The following AGL variants were observed in gnomAD, a reference collection of about 807,000 sequenced individuals.
AGL encodes glycogen debranching enzyme.
A neutral mutation model predicts 199.3 loss-of-function variants in AGL; 128 were observed. The ratio of observed to expected loss-of-function variants is 0.64; its 90% confidence interval spans 0.56 to 0.74. The LOEUF (loss-of-function observed/expected upper bound fraction) is 0.74. Ranked by LOEUF, AGL falls within the 30% of genes least tolerant of loss-of-function variation. The probability of loss-of-function intolerance (pLI) is 0.00; values close to 1 mark genes in which losing one functional copy is unlikely to be tolerated. For missense variants in AGL, 1,809 were observed against 1,820.8 expected, an observed-to-expected ratio of 0.99 and a Z score of 0.12; for synonymous variants, 584 against 594.7, an observed-to-expected ratio of 0.98 and a Z score of 0.26.
In AGL at chr1:99,880,776, A is replaced by G. The variant is rs764236940; in HGVS notation, c.1880A>G (p.Asp627Gly). The change falls in exon 14 of 34, where the codon GAT becomes GGT. Residue 627 changes from aspartate to glycine, a missense_variant. By Grantham distance (94) the Asp-to-Gly change is moderately conservative (BLOSUM62 -1). Coordinates refer to ENST00000361915, the MANE Select transcript of AGL (RefSeq NM_000642.3). ...GCCCTGTTTATGGATATTACGCATG[A>G]TAATGAGTGTCCTATTGTGGTAAGC... ...AHALFMDITH[D>G]NECPIVHRSA... 4.3e-6 allele frequency: 7 copies of G among 1,613,998 alleles called. No individual in the cohort carries two copies. The South Asian group carries it at 6.6e-5, about 15-fold the overall frequency.
intron 25 of AGL, among the ~76,000 whole-genome samples, chr1:99,900,076 C>G (rs1053529612): frequency 6.6e-6 from 1 of 151,844 alleles, no homozygotes; most frequent in South Asian, 2.1e-4. Context: ...ACTACAGGCA[C>G]GCACCACCAT....
intron 21 of AGL, 123 bp downstream of exon 21, chr1:99,888,231 C>G (rs1006407509): frequency 1.6e-6 from 2 of 1,260,436 alleles, no homozygotes; most frequent in African/African-American, 2.9e-5. Context: ...GGCTCTGCTT[C>G]TGCTCATTAA....
In AGL at chr1:99,870,574, A is replaced by C. The variant is rs563472928; in HGVS notation, c.839A>C (p.His280Pro). 1.2e-6 allele frequency: 2 copies of C among 1,614,046 alleles called. No homozygotes were observed. Among genetic ancestry groups the C allele is most frequent in the Admixed American group, 1.7e-5 (1 of 60,012 alleles). The change falls in exon 6 of 34, where the codon CAT becomes CCT. Residue 280 changes from histidine to proline, a missense_variant. Coordinates refer to ENST00000361915, the MANE Select transcript of AGL (RefSeq NM_000642.3). ...GIPALIENDH[H>P]MNSIRKIIWE... is the part of the protein sequence containing the mutation. ...CCTGCTTTGATTGAAAATGATCACC[A>C]TATGAATGTCAGTATGTACAGAGGA...
At chr1:99,852,651 C>T (rs1557738611) in intron 2 of AGL, 4 of 767,548 alleles carry the variant, frequency 5.2e-6, no homozygotes, top group Non-Finnish European at 9.7e-6. Flanking sequence ...ACTGGGATTA[C>T]AAGCATAAGC....
chr1:99,880,171 T>C (rs551966111), intron 13 of AGL, 125 bp downstream of exon 13: 12 of 1,392,856 alleles, frequency 8.6e-6, no homozygotes, highest in Non-Finnish European at 1.2e-5. Flanking sequence ...TTCTAAATAC[T>C]TTGTATGACA....
At position 99,874,457 on chromosome 1, in the gene AGL, G is replaced by A. The variant is rs188869988; in HGVS notation, c.959-230G>A. ...TGTGTCTTTCTTTTATGTTATTTTTGTCTCTGTTTCTTTCTCCCCCACACC... is the reference window on the plus strand; with the variant it reads ...TGTGTCTTTCTTTTATGTTATTTTTATCTCTGTTTCTTTCTCCCCCACACC... On this transcript the variant is annotated intron_variant, in intron 7 of 33. Coordinates refer to ENST00000361915, the MANE Select transcript of AGL (RefSeq NM_000642.3). 4 of 434,754 alleles carry A rather than the reference G, an allele frequency of 9.2e-6. No individual in the cohort carries two copies. The East Asian group carries it at 1.2e-4, about 13-fold the overall frequency. The allele number at this position is 434,754 out of a possible 1,614,324, so 26.9% of individuals were successfully genotyped here.
rs763825796 is a variant in AGL at position 99,892,416 on chromosome 1, A to G, written c.3084-16A>G. The G allele has an allele frequency of 1.6e-5, 25 of 1,611,768 alleles. No individual in the cohort carries two copies. The highest frequency in any genetic ancestry group is 3.3e-4 in the Middle Eastern group (2 of 6,076). ...TGTATTTCTACAAGTAATAAATTCA[A>G]TCACTTTTGTTACAGCTTTGTTCAG... On this transcript the variant is annotated splice_polypyrimidine_tract_variant and intron_variant, in intron 23 of 33. Coordinates refer to ENST00000361915, the MANE Select transcript of AGL (RefSeq NM_000642.3).
chr1:99,864,983 A>G (rs895669676), intron 5 of AGL, among the ~76,000 whole-genome samples: 1 of 152,142 alleles, frequency 6.6e-6, no homozygotes, highest in African/African-American at 2.4e-5. Flanking sequence ...GAAATCAGCA[A>G]TTCATAAGTT....
Position 99,896,374 on chromosome 1 carries a change from C to G in AGL, c.3348C>G (p.Arg1116=), listed in dbSNP as rs781168754. 6.2e-7 allele frequency: 1 copy of G among 1,613,522 alleles called. No individual in the cohort carries two copies. The highest frequency in any genetic ancestry group is 1.1e-5 in the South Asian group (1 of 91,060). The change falls in exon 25 of 34, where the codon CGC becomes CGG. Residue 1116 remains arginine, a synonymous_variant. Transcript: ENST00000361915. The part of the protein sequence containing the change: ...ALRGILLITG[R]YVEARNIILA... ...GAGGTATACTGCTGATTACTGGACG[C>G]TATGTAGAAGCCAGGTAGGAGAGCC...
At position 99,902,611 on chromosome 1, in the gene AGL, G is replaced by T. The variant is rs1653928718; in HGVS notation, c.3589-72G>T. 2.5e-6 allele frequency: 3 copies of T among 1,202,560 alleles called. No homozygotes were observed. In the East Asian group the frequency reaches 7.1e-5, roughly 29 times the overall value. The allele number at this position is 1,202,560 out of a possible 1,614,324, so 74.5% of individuals were successfully genotyped here. On this transcript the variant is annotated intron_variant, in intron 26 of 33. Coordinates refer to ENST00000361915, the MANE Select transcript of AGL (RefSeq NM_000642.3). ...AAGTATATATTTTCACATTACTTCA[G>T]TTGTCGGATTTGGGGGAAAATAAGA... is the stretch of plus-strand genomic sequence containing the variant.
chr1:99,888,186 T>G, intron 21 of AGL, 78 bp downstream of exon 21: 1 of 1,579,100 alleles, frequency 6.3e-7, no homozygotes, highest in Non-Finnish European at 8.6e-7. Context: ...GACATAGATA[T>G]AGGCTCAGAG....
chr1:99,880,042 A>G lies in AGL; in HGVS notation c.1731A>G (p.Ile577Met). 1 of 1,613,426 alleles carries G rather than the reference A, an allele frequency of 6.2e-7. No homozygotes were observed. Among genetic ancestry groups the G allele is most frequent in the Non-Finnish European group, 8.5e-7 (1 of 1,179,564 alleles). ...CTAGACTGGGCATTAGTTCCTTAAT[A>G]AGAGGTAGGCTTGTTGGAGTGTATT... ...FVTRLGISSL[I>M]REAMSAYNSH... is the part of the protein sequence containing the mutation. Residue 577 changes from isoleucine to methionine, a missense_variant, in exon 13 of 34, where the codon ATA becomes ATG. By Grantham distance (10) the Ile-to-Met change is conservative. Transcript: ENST00000361915.
intron 33 of AGL, among the ~76,000 whole-genome samples, chr1:99,920,568 C>G (rs1482106423): frequency 6.6e-6 from 1 of 152,160 alleles, no homozygotes; most frequent in African/African-American, 2.4e-5. Context: ...TGGAAACATA[C>G]ATTTTCTATA....
chr1:99,851,164 T>C (rs1648923515), intron 2 of AGL, 40 bp downstream of exon 2: 2 of 1,521,226 alleles, frequency 1.3e-6, no homozygotes, highest in Non-Finnish European at 1.8e-6. Context: ...TTTGCGTCTT[T>C]TAAACTTTTA....
chr1:99,903,760 A>C (rs1014100896), intron 27 of AGL, among the ~76,000 whole-genome samples: 3 of 152,170 alleles, frequency 2.0e-5, no homozygotes, highest in Admixed American at 6.6e-5. Flanking sequence ...CAACAGTGTA[A>C]AAGTGTTCCT....
chr1:99,874,730 G>T lies in AGL; in HGVS notation c.1002G>T (p.Thr334=). 6.3e-7 allele frequency: 1 copy of T among 1,599,210 alleles called. No individual in the cohort carries two copies. The highest frequency in any genetic ancestry group is 8.5e-7 in the Non-Finnish European group (1 of 1,171,078). ...VTKSDPNQHL[T]IIQDPEYRRF... ...AGTCTGATCCAAACCAACACCTTAC[G>T]ATTATTCAAGATCCTGAATACAGAC... Residue 334 remains threonine (T), a synonymous_variant, in exon 8 of 34, where the codon ACG becomes ACT. Coordinates refer to ENST00000361915, the MANE Select transcript of AGL (RefSeq NM_000642.3).
At chr1:99,871,529 C>A (rs1203054271) in intron 7 of AGL, among the ~76,000 whole-genome samples, 1 of 151,824 alleles carries the variant, frequency 6.6e-6, no homozygotes, top group African/African-American at 2.4e-5. Context: ...ATAGGACAAC[C>A]TAGCAGTGAG....
chr1:99,914,894 T>C (rs1283746393), intron 30 of AGL, among the ~76,000 whole-genome samples: 1 of 152,088 alleles, frequency 6.6e-6, no homozygotes, highest in Non-Finnish European at 1.5e-5. Flanking sequence ...CTGGGCAACA[T>C]AGTGAGACTT....
chr1:99,870,826 T>C lies in AGL; in HGVS notation c.915T>C (p.Asp305=). ...AACTCTGGGAATTTTTCCAAGTAGA[T>C]GTCAACAAAGCGGTTGAGCAATTTA... ...KLKLWEFFQV[D]VNKAVEQFRR... is the part of the protein sequence containing the mutation. Residue 305 remains aspartate, a synonymous_variant, in exon 7 of 34, where the codon GAT becomes GAC. Coordinates refer to ENST00000361915, the MANE Select transcript of AGL (RefSeq NM_000642.3). 1.2e-6 allele frequency: 2 copies of C among 1,611,546 alleles called. No homozygotes were observed. The highest frequency in any genetic ancestry group is 1.1e-5 in the South Asian group (1 of 91,016).
Sources: allele counts gnomAD v4.1 joint callset (sites outside exome capture counted in the v4.1 genomes callset), GRCh38; gene constraint gnomAD v4.1.1; transcripts MANE v1.5; gene names NCBI Gene and HGNC (gene_info 2026-07-23, HGNC 2026-07-21).